ATRX: variants seen among roughly 807,000 people sequenced by gnomAD.
ATRX encodes chromatin remodeler ATRX.
ATRX carries 12 observed loss-of-function variants against 172.6 expected under a neutral mutation model. The ratio of observed to expected loss-of-function variants is 0.07; its 90% CI spans 0.04 to 0.11. ATRX has a LOEUF of 0.11. ATRX is among the 10% of genes least tolerant of loss of function. The probability of loss-of-function intolerance (pLI) is 1.00; values close to 1 mark genes in which losing one functional copy is unlikely to be tolerated. For synonymous variants in ATRX, 674 were observed against 594.7 expected (o/e 1.13, Z -1.94); for missense variants, 1,368 against 1,767.4 (o/e 0.77, Z 4.05).
chrX:77,750,298 C>T (rs1413886915), intron 1 of ATRX, among the ~76,000 whole-genome samples: 9 of 111,253 alleles, frequency 8.1e-5, no homozygotes, highest in African/African-American at 2.9e-4. Flanking sequence ...GGTCTTGGAA[C>T]TTATCCCGTG....
rs200420513 is a variant in ATRX, at chrX:77,663,378, T to G, written c.4120+4A>C. On this transcript the variant is annotated splice_donor_region_variant and intron_variant, in intron 12 of 34. Coordinates refer to ENST00000373344, the MANE Select transcript of ATRX (RefSeq NM_000489.6). ...TCTTTACATTCAGAATTAAAACATC[T>G]TACCCTTTCTTCTGTTTCTGCCTTT... 594 of 1,208,452 alleles carry G rather than the reference T, an allele frequency of 4.9e-4. No individual in the cohort carries two copies. The highest frequency in any genetic ancestry group is 5.2e-4 in the Non-Finnish European group (465 of 893,571).
chrX:77,533,161 G>C (rs1455882342), intron 30 of ATRX, among the ~76,000 whole-genome samples: 1 of 112,400 alleles, frequency 8.9e-6, no homozygotes, highest in Non-Finnish European at 1.9e-5. Flanking sequence ...AAAAGTTGTG[G>C]AGAAAAATAA....
chrX:77,633,940 G>C, intron 17 of ATRX: 1 of 383,005 alleles, frequency 2.6e-6, no homozygotes, highest in South Asian at 3.9e-5. Context: ...AATGTGAATA[G>C]TATAAAATGA....
At chrX:77,619,047 C>A (rs2148261578) in intron 20 of ATRX, 66 bp from the exon 21 acceptor site, 1 of 790,812 alleles carries the variant, frequency 1.3e-6, no homozygotes, top group Non-Finnish European at 1.9e-6. Context: ...AAAAATTCCC[C>A]AATGAAATGC....
chrX:77,662,985 G>A (rs1220708685), intron 12 of ATRX, among the ~76,000 whole-genome samples: 1 of 112,183 alleles, frequency 8.9e-6, no homozygotes. Flanking sequence ...ATGAGCCACC[G>A]TGCCTGGCCA....
chrX:77,693,679 A>G lies in ATRX; in HGVS notation c.484+145T>C, dbSNP rs1256836614. The G allele has an allele frequency of 1.0e-5, 5 of 491,444 alleles. No homozygotes were observed. The Admixed American group carries it at 1.2e-4, about 12-fold the overall frequency. The allele number at this position is 491,444 out of a possible 1,213,427, so 40.5% of individuals were successfully genotyped here. A position where few individuals can be genotyped will look rare whatever the true frequency, so the allele number is the denominator to read the frequency against. ...CTTAACCTTTTCTGCTTCAGAGCTC[A>G]GAGAGAAACAGAAGTTATATTTAAG... On this transcript the variant is annotated intron_variant, in intron 6 of 34. Coordinates refer to ENST00000373344, the MANE Select transcript of ATRX (RefSeq NM_000489.6).
chrX:77,603,431 T>A (rs1291939572), intron 22 of ATRX, among the ~76,000 whole-genome samples: 2 of 109,613 alleles, frequency 1.8e-5, no homozygotes, highest in African/African-American at 3.3e-5. Flanking sequence ...AGTGGCGCAA[T>A]CTCGGCTCAC....
intron 1 of ATRX, among the ~76,000 whole-genome samples, chrX:77,759,160 T>C (rs2075623678): frequency 1.8e-5 from 2 of 111,988 alleles, no homozygotes; most frequent in Admixed American, 1.9e-4. Flanking sequence ...CTTATGCTTT[T>C]GACTTTAAGT....
chrX:77,613,655 G>T (rs1202547398), intron 22 of ATRX, among the ~76,000 whole-genome samples: 1 of 111,931 alleles, frequency 8.9e-6, no homozygotes, highest in Non-Finnish European at 1.9e-5. Context: ...ACACAGGCAG[G>T]TCCTAGAACC....
At chrX:77,556,099 C>G (rs2064770851) in intron 30 of ATRX, among the ~76,000 whole-genome samples, 1 of 104,228 alleles carries the variant, frequency 9.6e-6, no homozygotes, top group Admixed American at 1.0e-4. Flanking sequence ...TCGCTTGAAC[C>G]CAGGAGGTGG....
chrX:77,740,046 T>A (rs1603296417), intron 1 of ATRX, among the ~76,000 whole-genome samples: 2 of 36,340 alleles, frequency 5.5e-5, no homozygotes, highest in Non-Finnish European at 9.5e-5. Context: ...AGCGCAAAAC[T>A]CCATCCCAAA....
intron 1 of ATRX, among the ~76,000 whole-genome samples, chrX:77,746,842 A>C (rs1557185185): frequency 9.0e-6 from 1 of 111,345 alleles, no homozygotes; most frequent in Non-Finnish European, 1.9e-5. Flanking sequence ...TCTGTGGCCC[A>C]GGCTGGAGTT....
chrX:77,724,751 A>T (rs1272653251), intron 1 of ATRX, among the ~76,000 whole-genome samples: 1 of 111,843 alleles, frequency 8.9e-6, no homozygotes, highest in Non-Finnish European at 1.9e-5. Context: ...CACCACTGTT[A>T]TGTATATGGG....
chrX:77,714,581 T>C (rs2073279473), intron 2 of ATRX, among the ~76,000 whole-genome samples: 2 of 111,349 alleles, frequency 1.8e-5, no homozygotes, highest in South Asian at 7.6e-4. Flanking sequence ...ACATCACCAG[T>C]AAAGGGGCAA....
At chrX:77,766,353 T>TG (rs2075932904) in intron 1 of ATRX, among the ~76,000 whole-genome samples, 1 of 109,306 alleles carries the variant, frequency 9.1e-6, no homozygotes, top group Admixed American at 9.6e-5. Flanking sequence ...ACGGGGTGGC[T>TG]GCCGGGCGGA....
rs2071431960 is a variant in ATRX, at chrX:77,684,304, T to C, written c.952A>G (p.Lys318Glu). Residue 318 changes from lysine (K) to glutamate (E), a missense_variant, in exon 9 of 35, where the codon AAG becomes GAG. This residue lies in a region of ATRX where 843 missense variants were observed against 643.1 expected (regional missense o/e 1.31). Coordinates refer to ENST00000373344, the MANE Select transcript of ATRX (RefSeq NM_000489.6). ...VYEHTSRFSP[K>E]KTSSNCNGEE... ...CCATTACAATTTGAACTAGTCTTCT[T>C]TGGAGAAAATCTGGATGTATGTTCA... 2.5e-6 allele frequency: 3 copies of C among 1,207,221 alleles called. No individual in the cohort carries two copies. The highest frequency in any genetic ancestry group is 3.4e-6 in the Non-Finnish European group (3 of 892,582).
chrX:77,621,478 T>C (rs1485705126), intron 19 of ATRX, among the ~76,000 whole-genome samples: 1 of 110,455 alleles, frequency 9.1e-6, no homozygotes, highest in Non-Finnish European at 1.9e-5. Flanking sequence ...CCTGGCTAAT[T>C]TTTTTGCATT....
chrX:77,603,014 AAGAG>A (rs1411138896), intron 22 of ATRX, among the ~76,000 whole-genome samples: 1 of 111,362 alleles, frequency 9.0e-6, no homozygotes, highest in Non-Finnish European at 1.9e-5. Context: ...ATTAAGAAAA[AAGAG>A]AGAGGACTCA....
chrX:77,600,521 T>C lies in ATRX; in HGVS notation c.5610A>G (p.Ala1870=). 8.3e-7 allele frequency: 1 copy of C among 1,210,640 alleles called. No individual in the cohort carries two copies. Among genetic ancestry groups the C allele is most frequent in the African/African-American group, 1.7e-5 (1 of 57,845 alleles). ...NSEGGRGKAG[A]KLFQDFQMLS... The stretch of plus-strand genomic sequence containing the variant: ...ACATCTGAAAATCTTGGAAAAGCTT[T>C]GCACCTGCCTTTCCTCTTCCACCTT... The change falls in exon 23 of 35, where the codon GCA becomes GCG. Residue 1870 remains alanine, a synonymous_variant. Coordinates refer to ENST00000373344, the MANE Select transcript of ATRX (RefSeq NM_000489.6).
Sources: allele counts gnomAD v4.1 joint callset (sites outside exome capture counted in the v4.1 genomes callset), GRCh38; gene constraint gnomAD v4.1.1; regional missense constraint gnomAD v4.1.1; transcripts MANE v1.5; gene names NCBI Gene and HGNC (gene_info 2026-07-23, HGNC 2026-07-21).